MBD3: variants seen among roughly 807,000 people sequenced by gnomAD.
MBD3 encodes methyl-CpG binding domain protein 3.
In MBD3, 13 loss-of-function variants were observed where a neutral mutation model predicts 31.2. The observed-to-expected ratio is 0.42, with a 90% CI of 0.27 to 0.66. The LOEUF (loss-of-function observed/expected upper bound fraction) is 0.66, where lower values mean the gene tolerates loss of function less well. Ranked by LOEUF, MBD3 falls within the 30% of genes least tolerant of loss-of-function variation. The pLI is 0.26. For missense variants in MBD3, 440 were observed against 426.5 expected (o/e 1.03, Z -0.28); for synonymous variants, 223 against 187.4 (o/e 1.19, Z -1.55).
chr19:1,574,951 C>T lies in MBD3; in HGVS notation c.*3213G>A. On this transcript the variant is annotated 3_prime_UTR_variant, in exon 7 of 7. Transcript: ENST00000434436. ...TGGGTGTGGCAGGAGAGGCATGATG[C>T]CCCTTAGCTGGTGTTGCTGAGACTC... The T allele has an allele frequency of 3.1e-6, 1 of 322,236 alleles. No homozygotes were observed. Among genetic ancestry groups the T allele is most frequent in the South Asian group, 2.3e-5 (1 of 43,404 alleles). The allele number at this position is 322,236 out of a possible 1,614,324, so 20.0% of individuals were successfully genotyped here. A position where few individuals can be genotyped will look rare whatever the true frequency, so the allele number is the denominator to read the frequency against.
At chr19:1,584,774 G>A (rs1419848249) in intron 2 of MBD3, 97 bp from the exon 3 acceptor site, 4 of 1,304,432 alleles carry the variant, frequency 3.1e-6, no homozygotes, top group South Asian at 1.4e-5. Context: ...CTTTGCCGGC[G>A]CCCCTCGTGT....
intron 5 of MBD3, among the ~76,000 whole-genome samples, chr19:1,580,553 CGCCTCCGTCACCAGGCG>C (rs1293461275): frequency 6.6e-6 from 1 of 152,232 alleles, no homozygotes; most frequent in African/African-American, 2.4e-5. Flanking sequence ...TTCCTGCAGG[CGCCTCCGTCACCAGGCG>C]GCCTTGCGTC....
At chr19:1,584,089 T>C (rs552762611) in intron 3 of MBD3, among the ~76,000 whole-genome samples, 13 of 152,106 alleles carry the variant, frequency 8.5e-5, no homozygotes, top group African/African-American at 2.7e-4. Flanking sequence ...CCTCCCAAAG[T>C]GCTGGGATTA....
intron 1 of MBD3, among the ~76,000 whole-genome samples, chr19:1,587,408 C>T (rs1462886499): frequency 6.7e-6 from 1 of 148,532 alleles, no homozygotes; most frequent in East Asian, 2.0e-4. Flanking sequence ...TGCTTCATTT[C>T]TTTTTTTTTT....
Position 1,577,985 on chromosome 19 carries a change from C to G in MBD3, c.*179G>C, listed in dbSNP as rs1827145793. The G allele has an allele frequency of 2.4e-6, 1 of 418,594 alleles. No individual in the cohort carries two copies. Among genetic ancestry groups the G allele is most frequent in the Non-Finnish European group, 4.4e-6 (1 of 224,720 alleles). The allele number at this position is 418,594 out of a possible 1,614,324, so 25.9% of individuals were successfully genotyped here. On this transcript the variant is annotated 3_prime_UTR_variant, in exon 7 of 7. Transcript: ENST00000434436. ...GTCTTTCGGGTGGGGGCAGCCCCAGCTGTGTGCCCCGAGGCCCCGGGAAGT... is the reference window on the plus strand; with the variant it reads ...GTCTTTCGGGTGGGGGCAGCCCCAGGTGTGTGCCCCGAGGCCCCGGGAAGT...
At chr19:1,588,015 T>A (rs2060687079) in intron 1 of MBD3, among the ~76,000 whole-genome samples, 1 of 152,226 alleles carries the variant, frequency 6.6e-6, no homozygotes. Flanking sequence ...GGAAACTCAA[T>A]TCTGCAGGCA....
At chr19:1,579,355 C>T (rs983305778) in intron 5 of MBD3, among the ~76,000 whole-genome samples, 4 of 152,016 alleles carry the variant, frequency 2.6e-5, no homozygotes, top group East Asian at 1.9e-4. Context: ...TCCACACCCT[C>T]GTCTCAACCC....
In MBD3 at chr19:1,592,605, C is replaced by T. The variant is rs1489530181; in HGVS notation, c.27G>A (p.Pro9=). Residue 9 remains proline (P), a synonymous_variant, in exon 1 of 7, where the codon CCG becomes CCA. Coordinates refer to ENST00000434436, the MANE Select transcript of MBD3 (RefSeq NM_001281453.2). The part of the protein sequence containing the change: MERKRWEC[P]ALPQGWEREE... ...CCCTCTCCCAGCCCTGCGGGAGCGCCGGGCACTCCCACCTCTTCCGCTCCA... is the reference window on the plus strand; with the variant it reads ...CCCTCTCCCAGCCCTGCGGGAGCGCTGGGCACTCCCACCTCTTCCGCTCCA... 5.0e-6 allele frequency: 7 copies of T among 1,400,030 alleles called. No homozygotes were observed. Among genetic ancestry groups the T allele is most frequent in the East Asian group, 3.9e-5 (1 of 25,974 alleles). The allele number at this position is 1,400,030 out of a possible 1,614,324, so 86.7% of individuals were successfully genotyped here. A position where few individuals can be genotyped will look rare whatever the true frequency, so the allele number is the denominator to read the frequency against.
intron 5 of MBD3, among the ~76,000 whole-genome samples, chr19:1,579,110 G>C (rs1273465268): frequency 6.7e-6 from 1 of 149,810 alleles, no homozygotes; most frequent in Non-Finnish European, 1.5e-5. Context: ...CTTGAACCCG[G>C]GAGGCGGAGG....
In MBD3 at chr19:1,581,137, G is replaced by C. The variant is rs757544695; in HGVS notation, c.632C>G (p.Thr211Arg). ...CATGAAGGCTTTGCACAGGGGCTGC[G>C]TGGTGTTGAGCCATACGCCGGGGTT... The part of the protein sequence containing the change: ...EKNPGVWLNT[T>R]QPLCKAFMVT... Residue 211 changes from threonine (T) to arginine (R), a missense_variant, in exon 5 of 7, where the codon ACG (threonine) becomes AGG (arginine). Transcript: ENST00000434436. 1 of 1,614,062 alleles carries C rather than the reference G, an allele frequency of 6.2e-7. No homozygotes were observed. The highest frequency in any genetic ancestry group is 8.5e-7 in the Non-Finnish European group (1 of 1,180,056).
Position 1,574,917 on chromosome 19 carries a change from C to A in MBD3, c.*3247G>T. On this transcript the variant is annotated 3_prime_UTR_variant, in exon 7 of 7. Coordinates refer to ENST00000434436, the MANE Select transcript of MBD3 (RefSeq NM_001281453.2). ...TCTGGGGGCTGCAGGGACAGCAAGG[C>A]ACGGGCCCTGGGTGTGGCAGGAGAG... is the stretch of plus-strand genomic sequence containing the variant. 1 of 300,724 alleles carries A rather than the reference C, an allele frequency of 3.3e-6. No homozygotes were observed. Among genetic ancestry groups the A allele is most frequent in the Non-Finnish European group, 6.7e-6 (1 of 149,726 alleles). The allele number at this position is 300,724 out of a possible 1,614,324, so 18.6% of individuals were successfully genotyped here. A position where few individuals can be genotyped will look rare whatever the true frequency, so the allele number is the denominator to read the frequency against.
At position 1,592,851 on chromosome 19, in the gene MBD3, C is replaced by A; in HGVS notation, c.-220G>T. 6.8e-6 allele frequency: 1 copy of A among 147,176 alleles called. No individual in the cohort carries two copies. The highest frequency in any genetic ancestry group is 1.9e-4 in the South Asian group (1 of 5,140). 9.1% of individuals were successfully genotyped at this position (147,176 alleles called of 1,614,324 possible). ...GCTCGCCAGCCCCCGCTCGGGGGGC[C>A]CGCTCCGCCCACCCGCCCGCGCGGG... On this transcript the variant is annotated 5_prime_UTR_variant, in exon 1 of 7. Coordinates refer to ENST00000434436, the MANE Select transcript of MBD3 (RefSeq NM_001281453.2).
intron 1 of MBD3, chr19:1,591,876 C>T (rs983072313): frequency 3.3e-5 from 5 of 152,260 alleles, no homozygotes; most frequent in Non-Finnish European, 7.3e-5. Context: ...AACATCCACG[C>T]AAAGACTACC....
chr19:1,581,367 C>T, intron 4 of MBD3, 98 bp from the exon 5 acceptor site: 1 of 1,282,220 alleles, frequency 7.8e-7, no homozygotes, highest in Non-Finnish European at 1.1e-6. Context: ...TGGGAGCTGC[C>T]ACCTTCTTGG....
At chr19:1,582,991 G>A (rs958332250) in intron 3 of MBD3, among the ~76,000 whole-genome samples, 2 of 152,092 alleles carry the variant, frequency 1.3e-5, no homozygotes, top group Non-Finnish European at 2.9e-5. Context: ...ATCACCTGAG[G>A]TCAGGAGTTT....
intron 2 of MBD3, 131 bp downstream of exon 2, chr19:1,584,924 T>TCTGCACC: frequency 7.5e-7 from 1 of 1,340,426 alleles, no homozygotes; most frequent in Non-Finnish European, 1.0e-6. Flanking sequence ...CGCCTTCCGC[T>TCTGCACC]CTGTGCCCTC....
intron 2 of MBD3, 88 bp downstream of exon 2, chr19:1,584,967 G>A (rs952207520): frequency 5.8e-6 from 9 of 1,554,226 alleles, no homozygotes; most frequent in Admixed American, 5.2e-5. Context: ...TCAGGACGCC[G>A]GGCTGTGTCG....
At position 1,581,969 on chromosome 19, in the gene MBD3, A is replaced by G. The variant is rs377709090; in HGVS notation, c.499+653T>C. Among the ~76,000 whole-genome samples, 747 of 152,104 alleles carry G rather than the reference A, an allele frequency of 4.9e-3. 5 individuals carry two copies. The highest frequency in any genetic ancestry group is 6.8e-3 in the Middle Eastern group (2 of 294). ...TTTTTAGTAGAGACAGGGTTTCACCATGTTAGCCAGGATGATCTCGATCTC... is the reference window on the plus strand; with the variant it reads ...TTTTTAGTAGAGACAGGGTTTCACCGTGTTAGCCAGGATGATCTCGATCTC... On this transcript the variant is annotated intron_variant, in intron 4 of 6. Transcript: ENST00000434436.
chr19:1,585,544 A>C lies in MBD3; in HGVS notation c.111-330T>G, dbSNP rs2145603796. Reference sequence around the variant, plus strand: ...CATCGGATCCTTGCTCCAGACCCCCAACCCCGGTCCCCTCTGAATCCTCCC... The same window carrying C: ...CATCGGATCCTTGCTCCAGACCCCCCACCCCGGTCCCCTCTGAATCCTCCC... On this transcript the variant is annotated intron_variant, in intron 1 of 6. Coordinates refer to ENST00000434436, the MANE Select transcript of MBD3 (RefSeq NM_001281453.2). This position sits in a 1 kb window ranked among gnomAD's most constrained non-coding sequence, Gnocchi z 4.1. The C allele has an allele frequency of 8.5e-6, 3 of 353,794 alleles. No homozygotes were observed. The highest frequency in any genetic ancestry group is 1.1e-5 in the Non-Finnish European group (2 of 186,532). 21.9% of individuals were successfully genotyped at this position (353,794 alleles called of 1,614,324 possible). A position where few individuals can be genotyped will look rare whatever the true frequency, so the allele number is the denominator to read the frequency against.
Sources: gnomAD v4.1 joint callset for allele counts (sites outside exome capture counted in the v4.1 genomes callset) on GRCh38, gnomAD v4.1.1 for gene constraint, Gnocchi (gnomAD v3.1) non-coding constraint, MANE v1.5 for transcripts, NCBI Gene and HGNC (gene_info 2026-07-23, HGNC 2026-07-21) for gene names.